SHANK2: variants seen among roughly 807,000 people sequenced by gnomAD.
The protein encoded by SHANK2 is SH3 and multiple ankyrin repeat domains protein 2.
Under a neutral mutation model 133.7 loss-of-function variants are expected in SHANK2, and 43 were observed. The ratio of observed to expected loss-of-function variants is 0.32; its 90% CI spans 0.25 to 0.41. The LOEUF is 0.41. Among genes scored for constraint, SHANK2 ranks in the 10% least tolerant of loss-of-function variants. The probability of loss-of-function intolerance (pLI) is 1.00; values close to 1 mark genes in which losing one functional copy is unlikely to be tolerated. For synonymous variants in SHANK2, 1,017 were observed against 952.8 expected, an observed-to-expected ratio of 1.07 and a Z score of -1.24; for missense variants, 1,994 against 2,235.8, an observed-to-expected ratio of 0.89 and a Z score of 2.18.
chr11:70,572,271 T>C (rs2060055138), intron 17 of SHANK2, among the ~76,000 whole-genome samples: 1 of 152,256 alleles, frequency 6.6e-6, no homozygotes, highest in Non-Finnish European at 1.5e-5. Flanking sequence ...GGGATTCTCC[T>C]GCCTCAGCCT....
At chr11:70,551,641 C>T (rs944249083) in intron 17 of SHANK2, among the ~76,000 whole-genome samples, 1 of 152,238 alleles carries the variant, frequency 6.6e-6, no homozygotes, top group Non-Finnish European at 1.5e-5. Context: ...ATGAATAGAG[C>T]TTTAATTCTA....
intron 12 of SHANK2, among the ~76,000 whole-genome samples, chr11:70,811,012 C>A (rs1948266854): frequency 2.0e-5 from 3 of 152,126 alleles, no homozygotes; most frequent in South Asian, 4.1e-4. Flanking sequence ...CCCCAGTGTC[C>A]CCTGGGCTGC....
chr11:71,065,618 G>C (rs1378008769), intron 9 of SHANK2, among the ~76,000 whole-genome samples: 1 of 142,396 alleles, frequency 7.0e-6, no homozygotes. Context: ...GACGTTGCAG[G>C]GGGGTGTGTG....
intron 11 of SHANK2, among the ~76,000 whole-genome samples, chr11:70,866,568 C>G (rs1182410667): frequency 2.0e-5 from 3 of 152,184 alleles, no homozygotes; most frequent in Non-Finnish European, 2.9e-5. Context: ...GTCAGTAACT[C>G]TAGCACCAAG....
intron 6 of SHANK2, among the ~76,000 whole-genome samples, chr11:71,105,637 G>A (rs1555097720): frequency 6.6e-6 from 1 of 151,598 alleles, no homozygotes; most frequent in Non-Finnish European, 1.5e-5. Context: ...AGCTGCCAGG[G>A]GCTCAGGGAT....
chr11:71,126,216 C>CAAAAAAAAA lies in SHANK2; in HGVS notation c.208-7193_208-7185dup, dbSNP rs1170621448. ...CTGGTGACAGAGTGAGACTCCGTCT[C>CAAAAAAAAA]AAAAAAAAAAAAAAAAAAAAAAAAG... On this transcript the variant is annotated intron_variant, in intron 3 of 25. Coordinates refer to ENST00000601538, the MANE Select transcript of SHANK2 (RefSeq NM_012309.5). 1.8e-3 allele frequency among the ~76,000 whole-genome samples: 113 copies of CAAAAAAAAA among 64,412 alleles called. 15 individuals carry two copies. The highest frequency in any genetic ancestry group is 6.9e-3 in the East Asian group (11 of 1,594). 42.3% of individuals were successfully genotyped at this position (64,412 alleles called of 152,430 possible). A position where few individuals can be genotyped will look rare whatever the true frequency, so the allele number is the denominator to read the frequency against.
chr11:70,811,319 T>C (rs1337793004), intron 12 of SHANK2, among the ~76,000 whole-genome samples: 2 of 151,896 alleles, frequency 1.3e-5, no homozygotes, highest in Non-Finnish European at 2.9e-5. Flanking sequence ...AAATGAGGAG[T>C]GCGTCTTCTC....
chr11:71,087,849 G>C (rs1018637753), intron 8 of SHANK2, among the ~76,000 whole-genome samples: 1 of 152,140 alleles, frequency 6.6e-6, no homozygotes, highest in Admixed American at 6.5e-5. Flanking sequence ...GGCTGGTCTC[G>C]AACTGCTGGC....
In SHANK2 at chr11:71,210,243, TATATATA is replaced by T. The variant is rs1565516761; in HGVS notation, c.-13+14447_-13+14453del. ...ATATATATATATATATATATATATA[TATATATA>T]TATTTATTTATTTTTTGAAACAGAG... On this transcript the variant is annotated intron_variant, in intron 2 of 25. Transcript: ENST00000601538. Among the ~76,000 whole-genome samples the T allele has an allele frequency of 7.7e-4, 84 of 108,998 alleles. 4 individuals carry two copies. Among genetic ancestry groups the T allele is most frequent in the African/African-American group, 2.9e-3 (61 of 21,300 alleles). 71.5% of individuals were successfully genotyped at this position (108,998 alleles called of 152,430 possible).
chr11:70,664,725 CA>C (rs1254551140), intron 15 of SHANK2, among the ~76,000 whole-genome samples: 3 of 152,192 alleles, frequency 2.0e-5, no homozygotes, highest in Non-Finnish European at 4.4e-5. Context: ...TTCTTAGGGC[CA>C]GGGGGGCTGC....
intron 10 of SHANK2, among the ~76,000 whole-genome samples, chr11:70,897,267 G>A (rs1467459009): frequency 1.3e-5 from 2 of 152,236 alleles, no homozygotes; most frequent in Non-Finnish European, 2.9e-5. Context: ...AAGGCACACA[G>A]TGCCTCAGAA....
At chr11:70,876,624 T>G (rs507510) in intron 11 of SHANK2, among the ~76,000 whole-genome samples, 1 of 149,650 alleles carries the variant, frequency 6.7e-6, no homozygotes, top group Non-Finnish European at 1.5e-5. Context: ...CACACACACA[T>G]GCATACACAT....
chr11:71,149,113 G>A (rs1590959406), intron 2 of SHANK2, among the ~76,000 whole-genome samples: 1 of 152,214 alleles, frequency 6.6e-6, no homozygotes, highest in South Asian at 2.1e-4. Context: ...AAGGAGCAAG[G>A]AAGGAGGGCA....
intron 15 of SHANK2, among the ~76,000 whole-genome samples, chr11:70,682,749 G>A (rs1019411234): frequency 4.7e-4 from 72 of 152,154 alleles, no homozygotes; most frequent in African/African-American, 1.3e-3. Flanking sequence ...CCAGGTCGGG[G>A]AGCATCCTGG....
intron 17 of SHANK2, among the ~76,000 whole-genome samples, chr11:70,643,977 C>G (rs2061224568): frequency 6.6e-6 from 1 of 152,060 alleles, no homozygotes; most frequent in Non-Finnish European, 1.5e-5. Flanking sequence ...AGCTGGAGCT[C>G]TGCCCAGGGT....
At chr11:71,215,866 C>T (rs1339379535) in intron 2 of SHANK2, among the ~76,000 whole-genome samples, 1 of 152,198 alleles carries the variant, frequency 6.6e-6, no homozygotes, top group Admixed American at 6.5e-5. Flanking sequence ...CAGCACCTAC[C>T]ACCACCTTGG....
chr11:71,115,216 C>T (rs551318097), intron 4 of SHANK2, among the ~76,000 whole-genome samples: 1 of 152,258 alleles, frequency 6.6e-6, no homozygotes, highest in East Asian at 1.9e-4. Flanking sequence ...CGCCTGTAAT[C>T]CCAGCACTTT....
chr11:70,755,237 A>T (rs1229842671), intron 14 of SHANK2, among the ~76,000 whole-genome samples: 2 of 152,074 alleles, frequency 1.3e-5, no homozygotes, highest in African/African-American at 4.8e-5. Context: ...ACACTCAGCT[A>T]ATTTTTGCAT....
At chr11:70,592,984 C>A (rs2136279660) in intron 17 of SHANK2, among the ~76,000 whole-genome samples, 2 of 152,306 alleles carry the variant, frequency 1.3e-5, no homozygotes, top group Admixed American at 1.3e-4. Flanking sequence ...AAAGGAGGGA[C>A]TCACGAAGGG....
Sources: allele counts gnomAD v4.1 joint callset (sites outside exome capture counted in the v4.1 genomes callset), GRCh38; gene constraint gnomAD v4.1.1; transcripts MANE v1.5; gene names NCBI Gene and HGNC (gene_info 2026-07-23, HGNC 2026-07-21).